MCUB: variants seen among roughly 807,000 people sequenced by gnomAD.
MCUB encodes calcium uniporter regulatory subunit MCUb, mitochondrial.
Under a neutral mutation model 41.4 loss-of-function variants are expected in MCUB, and 46 were observed. That is an observed-to-expected ratio of 1.11 (90% confidence interval 0.88 to 1.42). The LOEUF (loss-of-function observed/expected upper bound fraction) is 1.42, where lower values mean the gene tolerates loss of function less well. Among genes scored for constraint, MCUB ranks in the 40% most tolerant of loss-of-function variants. MCUB has a pLI of 0.00. For missense variants in MCUB, 403 were observed against 404.9 expected (o/e 1.00, Z 0.04); for synonymous variants, 148 against 148.2 (o/e 1.00, Z 0.01).
intron 1 of MCUB, chr4:109,648,362 G>A (rs1014753852): frequency 4.1e-6 from 1 of 240,990 alleles, no homozygotes; most frequent in Non-Finnish European, 8.3e-6. Flanking sequence ...AGAGGGAGCT[G>A]GTGAGAAATT....
At chr4:109,595,489 C>T (rs1727532708) in intron 1 of MCUB, among the ~76,000 whole-genome samples, 1 of 118,606 alleles carries the variant, frequency 8.4e-6, no homozygotes. Flanking sequence ...TTAGAAAAAG[C>T]AATTTGAGCA....
At chr4:109,659,631 A>G (rs1488954577) in intron 2 of MCUB, among the ~76,000 whole-genome samples, 1 of 152,212 alleles carries the variant, frequency 6.6e-6, no homozygotes, top group African/African-American at 2.4e-5. Flanking sequence ...CAAGAAAACT[A>G]GAACTTAAGT....
chr4:109,582,362 C>T (rs1276503689), intron 1 of MCUB, among the ~76,000 whole-genome samples: 1 of 116,610 alleles, frequency 8.6e-6, no homozygotes, highest in East Asian at 2.5e-4. Context: ...GAACATCACA[C>T]TCTGGGGCCT....
chr4:109,569,630 A>G (rs1018509320), intron 1 of MCUB, among the ~76,000 whole-genome samples: 3 of 150,620 alleles, frequency 2.0e-5, no homozygotes, highest in Non-Finnish European at 4.4e-5. Context: ...CAGCCTCCCA[A>G]GTAGCTGGGA....
intron 1 of MCUB, among the ~76,000 whole-genome samples, chr4:109,610,000 C>T (rs1159082987): frequency 3.9e-5 from 6 of 152,170 alleles, no homozygotes; most frequent in Admixed American, 2.6e-4. Context: ...CAAAGTTCCT[C>T]CTAATCTTCC....
At chr4:109,599,990 T>C (rs745995949) in intron 1 of MCUB, among the ~76,000 whole-genome samples, 1 of 152,114 alleles carries the variant, frequency 6.6e-6, no homozygotes, top group East Asian at 1.9e-4. Flanking sequence ...GAGTCTGAAG[T>C]GTTGTATGTT....
At chr4:109,684,833 C>T (rs1729800459) in intron 6 of MCUB, 187 bp downstream of exon 6, 1 of 509,534 alleles carries the variant, frequency 2.0e-6, no homozygotes, top group East Asian at 3.2e-5. Flanking sequence ...TTATATATAA[C>T]TTCTTTGGAG....
intron 1 of MCUB, 88 bp downstream of exon 1, chr4:109,560,524 G>A (rs1284986892): frequency 3.2e-6 from 2 of 621,538 alleles, no homozygotes; most frequent in African/African-American, 1.9e-5. Context: ...AAAGCCGAGC[G>A]GCCGAGCAGT....
At chr4:109,660,967 C>T (rs1399593539) in intron 3 of MCUB, among the ~76,000 whole-genome samples, 1 of 152,050 alleles carries the variant, frequency 6.6e-6, no homozygotes, top group Non-Finnish European at 1.5e-5. Context: ...CATTAGCGTG[C>T]AATTCTCAGC....
At chr4:109,658,877 G>C in intron 1 of MCUB, 134 bp from the exon 2 acceptor site, 1 of 650,734 alleles carries the variant, frequency 1.5e-6, no homozygotes, top group Non-Finnish European at 2.7e-6. Context: ...CTCACCCTGG[G>C]ATGCATGACA....
In MCUB at chr4:109,687,728, A is replaced by C; in HGVS notation, c.*136A>C. 1.6e-6 allele frequency: 1 copy of C among 628,188 alleles called. No homozygotes were observed. The highest frequency in any genetic ancestry group is 2.0e-5 in the South Asian group (1 of 48,968). 38.9% of individuals were successfully genotyped at this position (628,188 alleles called of 1,614,324 possible). ...CTTGTAAAACAGAAGTATTGTTTGA[A>C]GTTCTCAACTGAGATTTTTACTTTT... On this transcript the variant is annotated 3_prime_UTR_variant, in exon 8 of 8. Coordinates refer to ENST00000394650, the MANE Select transcript of MCUB (RefSeq NM_017918.5).
In MCUB at chr4:109,577,716, T is replaced by G. The variant is rs559663575; in HGVS notation, c.99+17280T>G. The stretch of plus-strand genomic sequence containing the variant: ...GCTCCGCCCCCCGGGGTTCACGCCA[T>G]TCTCCTGCCTCAGCCTCCCGAGTAG... On this transcript the variant is annotated intron_variant, in intron 1 of 7. Transcript: ENST00000394650. 3.0e-5 allele frequency among the ~76,000 whole-genome samples: 2 copies of G among 67,422 alleles called. 1 individual carries two copies. The highest frequency in any genetic ancestry group is 6.1e-5 in the Non-Finnish European group (2 of 32,758). The allele number at this position is 67,422 out of a possible 152,430, so 44.2% of individuals were successfully genotyped here. A position where few individuals can be genotyped will look rare whatever the true frequency, so the allele number is the denominator to read the frequency against.
intron 1 of MCUB, among the ~76,000 whole-genome samples, chr4:109,609,880 G>A (rs1318834923): frequency 3.9e-5 from 6 of 152,168 alleles, no homozygotes; most frequent in South Asian, 2.1e-4. Flanking sequence ...CCCCGAGGGC[G>A]AAGCAGGTCC....
chr4:109,641,179 G>A (rs895026186), intron 1 of MCUB, among the ~76,000 whole-genome samples: 1 of 151,886 alleles, frequency 6.6e-6, no homozygotes, highest in Non-Finnish European at 1.5e-5. Context: ...TGCAAGCTTC[G>A]CCTCCCGGGT....
At chr4:109,680,601 C>T (rs907460109) in intron 4 of MCUB, among the ~76,000 whole-genome samples, 9 of 152,224 alleles carry the variant, frequency 5.9e-5, no homozygotes, top group African/African-American at 1.4e-4. Flanking sequence ...TTCTACAGAT[C>T]TCAAAGCCTA....
intron 1 of MCUB, among the ~76,000 whole-genome samples, chr4:109,608,206 TTC>T (rs1727923614): frequency 1.3e-5 from 2 of 152,210 alleles, no homozygotes. Flanking sequence ...GTCCATTGTA[TTC>T]TTCAACTCCA....
intron 1 of MCUB, among the ~76,000 whole-genome samples, chr4:109,593,716 C>T (rs1377679481): frequency 6.6e-6 from 1 of 152,230 alleles, no homozygotes; most frequent in East Asian, 1.9e-4. Flanking sequence ...CATACCCTTA[C>T]ATCTCCCACT....
chr4:109,578,995 T>C (rs1475438570), intron 1 of MCUB, among the ~76,000 whole-genome samples: 2 of 152,232 alleles, frequency 1.3e-5, no homozygotes, highest in South Asian at 4.1e-4. Flanking sequence ...ATCCTGTTCA[T>C]TGGAGTCCCG....
chr4:109,563,560 A>G (rs1457876577), intron 1 of MCUB, among the ~76,000 whole-genome samples: 2 of 152,204 alleles, frequency 1.3e-5, no homozygotes, highest in East Asian at 1.9e-4. Flanking sequence ...TATTTACGCT[A>G]TGGAAAAGAC....
Sources: allele counts gnomAD v4.1 joint callset (sites outside exome capture counted in the v4.1 genomes callset), GRCh38; gene constraint gnomAD v4.1.1; transcripts MANE v1.5; gene names NCBI Gene and HGNC (gene_info 2026-07-23, HGNC 2026-07-21).